DLX1: variants seen among roughly 807,000 people sequenced by gnomAD.
DLX1 encodes distal-less homeobox 1, also known as homeobox protein DLX-1.
Under a neutral mutation model 25.0 loss-of-function variants are expected in DLX1, and 7 were observed. That is an observed-to-expected ratio of 0.28 (90% CI 0.16 to 0.52). DLX1 has a LOEUF of 0.52. Among genes scored for constraint, DLX1 ranks in the 20% least tolerant of loss-of-function variants. The pLI, the probability that DLX1 is intolerant of heterozygous loss-of-function variation, is 0.96. For synonymous variants in DLX1, 155 were observed against 140.3 expected, an observed-to-expected ratio of 1.10 and a Z score of -0.74; for missense variants, 233 against 334.4, an observed-to-expected ratio of 0.70 and a Z score of 2.37.
chr2:172,088,382 A>C lies in DLX1; in HGVS notation c.*125A>C, dbSNP rs1162926147. ...GAACAGTGGAGGCGGGACGCCCTCC[A>C]TCTCCTCGGAGCCCCGCGAGGTCCG... On this transcript the variant is annotated 3_prime_UTR_variant, in exon 3 of 3. Transcript: ENST00000361725. 1 of 1,260,786 alleles carries C rather than the reference A, an allele frequency of 7.9e-7. No homozygotes were observed. Among genetic ancestry groups the C allele is most frequent in the Non-Finnish European group, 1.0e-6 (1 of 967,276 alleles). The allele number at this position is 1,260,786 out of a possible 1,614,324, so 78.1% of individuals were successfully genotyped here.
At chr2:172,086,033 G>A in intron 1 of DLX1, 43 bp downstream of exon 1, 1 of 1,527,776 alleles carries the variant, frequency 6.5e-7, no homozygotes, top group Non-Finnish European at 8.9e-7. Flanking sequence ...GAGGTACAAG[G>A]GAGAGAGGGA....
chr2:172,086,773 C>G lies in DLX1; in HGVS notation c.433C>G (p.Arg145Gly). The change falls in exon 2 of 3, where the codon CGG becomes GGG. Residue 145 changes from arginine to glycine, a missense_variant. Arg to Gly is a moderately radical substitution (Grantham distance 125, BLOSUM62 -2). Around this residue, in one of 3 missense-constraint regions of DLX1, gnomAD observed 23 missense variants for 82.2 expected, o/e 0.28. Transcript: ENST00000361725. ...CAGTTTGCAGTTGCAGGCTTTGAAC[C>G]GGAGGTTCCAGCAAACTCAGTACCT... Reference protein sequence around the residue: ...YSSLQLQALNRRFQQTQYLAL... With the variant: ...YSSLQLQALNGRFQQTQYLAL... 1 of 1,613,428 alleles carries G rather than the reference C, an allele frequency of 6.2e-7. No homozygotes were observed. Among genetic ancestry groups the G allele is most frequent in the South Asian group, 1.1e-5 (1 of 90,996 alleles).
At chr2:172,087,413 G>A in intron 2 of DLX1, 1 of 408,338 alleles carries the variant, frequency 2.4e-6, no homozygotes, top group Non-Finnish European at 4.9e-6. Flanking sequence ...GCGGGCGCGG[G>A]TTTCCGACGT....
intron 2 of DLX1, chr2:172,087,375 G>C (rs1047553157): frequency 5.1e-6 from 2 of 391,542 alleles, no homozygotes; most frequent in Non-Finnish European, 5.1e-6. Context: ...GTAAGACTCC[G>C]GGGAGCCCGT....
chr2:172,087,564 GA>G (rs1331878489), intron 2 of DLX1: 3 of 464,888 alleles, frequency 6.5e-6, no homozygotes, highest in African/African-American at 4.0e-5. Flanking sequence ...ATGGCGCATA[GA>G]AAAGTTGGGT....
chr2:172,085,905 C>A lies in DLX1; in HGVS notation c.228C>A (p.Ser76Arg). ...PLGYPYVNSV[S>R]SHASSPYISS... The stretch of plus-strand genomic sequence containing the variant: ...GCTACCCCTACGTCAACTCGGTCAG[C>A]AGCCACGCATCCAGCCCCTACATCA... Residue 76 changes from serine (S) to arginine (R), a missense_variant, in exon 1 of 3, where the codon AGC (serine) becomes AGA (arginine). Ser to Arg is a moderately radical substitution (Grantham distance 110). Transcript: ENST00000361725. This position sits in a 1 kb window ranked among gnomAD's most constrained non-coding sequence, Gnocchi z 4.3. 1 of 1,614,224 alleles carries A rather than the reference C, an allele frequency of 6.2e-7. No homozygotes were observed. Among genetic ancestry groups the A allele is most frequent in the Non-Finnish European group, 8.5e-7 (1 of 1,180,046 alleles).
chr2:172,086,699 G>T lies in DLX1; in HGVS notation c.359G>T (p.Arg120Leu). ...ACGGTGGTGGAAGGCGGTGAAGTGC[G>T]CTTCAATGGCAAGGGAAAAAAGATC... Reference protein sequence around the residue: ...KSTVVEGGEVRFNGKGKKIRK... With the variant: ...KSTVVEGGEVLFNGKGKKIRK... The change falls in exon 2 of 3, where the codon CGC becomes CTC. Residue 120 changes from arginine (R) to leucine (L), a missense_variant. By Grantham distance (102) the Arg-to-Leu change is moderately radical. Transcript: ENST00000361725. 6.4e-7 allele frequency: 1 copy of T among 1,565,684 alleles called. No individual in the cohort carries two copies. Among genetic ancestry groups the T allele is most frequent in the Non-Finnish European group, 8.7e-7 (1 of 1,153,422 alleles).
At position 172,088,626 on chromosome 2, in the gene DLX1, G is replaced by T; in HGVS notation, c.*369G>T. ...GTAGAAAAAGCAAAAGCTCTTTTCT[G>T]TCCTGTCAGTCTCCTGTCTCCTTTT... On this transcript the variant is annotated 3_prime_UTR_variant, in exon 3 of 3. Transcript: ENST00000361725. 1 of 183,026 alleles carries T rather than the reference G, an allele frequency of 5.5e-6. No homozygotes were observed. Among genetic ancestry groups the T allele is most frequent in the Non-Finnish European group, 1.1e-5 (1 of 88,460 alleles). The allele number at this position is 183,026 out of a possible 1,614,324, so 11.3% of individuals were successfully genotyped here. A position where few individuals can be genotyped will look rare whatever the true frequency, so the allele number is the denominator to read the frequency against.
At chr2:172,087,869 C>A in intron 2 of DLX1, 134 bp from the exon 3 acceptor site, 1 of 1,306,114 alleles carries the variant, frequency 7.7e-7, no homozygotes, top group Non-Finnish European at 1.1e-6. Context: ...CTCTGCTTCT[C>A]TGGCAGGGAG....
In DLX1 at chr2:172,085,715, C is replaced by G; in HGVS notation, c.38C>G (p.Pro13Arg). Residue 13 changes from proline to arginine, a missense_variant, in exon 1 of 3, where the codon CCC becomes CGC. Transcript: ENST00000361725. This position sits in a 1 kb window ranked among gnomAD's most constrained non-coding sequence, Gnocchi z 4.3. Reference protein sequence around the residue: ...MTTMPESLNSPVSGKAVFMEF... With the variant: ...MTTMPESLNSRVSGKAVFMEF... ...ACCATGCCAGAAAGTCTCAACAGCC[C>G]CGTGTCGGGCAAGGCGGTGTTTATG... The G allele has an allele frequency of 1.2e-6, 2 of 1,614,124 alleles. No individual in the cohort carries two copies. The highest frequency in any genetic ancestry group is 1.7e-6 in the Non-Finnish European group (2 of 1,180,018).
At chr2:172,086,013 G>A (rs768655518) in intron 1 of DLX1, 23 bp downstream of exon 1, 4 of 1,598,408 alleles carry the variant, frequency 2.5e-6, no homozygotes, top group African/African-American at 2.7e-5. Flanking sequence ...GCCAGGGAGA[G>A]GGAGAGGAGG....
chr2:172,088,331 G>T lies in DLX1; in HGVS notation c.*74G>T. ...CCTCCAGGTCCATCCATCCCGTCCG[G>T]AAAAGAAGGACCCAGAGGGAAGAAG... is the stretch of plus-strand genomic sequence containing the variant. On this transcript the variant is annotated 3_prime_UTR_variant, in exon 3 of 3. Coordinates refer to ENST00000361725, the MANE Select transcript of DLX1 (RefSeq NM_178120.5). 7.1e-7 allele frequency: 1 copy of T among 1,404,206 alleles called. No homozygotes were observed. The highest frequency in any genetic ancestry group is 9.3e-7 in the Non-Finnish European group (1 of 1,071,830). 87.0% of individuals were successfully genotyped at this position (1,404,206 alleles called of 1,614,324 possible).
In DLX1 at chr2:172,085,583, C is replaced by A; in HGVS notation, c.-95C>A. The A allele has an allele frequency of 7.5e-7, 1 of 1,332,468 alleles. No individual in the cohort carries two copies. Among genetic ancestry groups the A allele is most frequent in the Non-Finnish European group, 1.0e-6 (1 of 966,390 alleles). 82.5% of individuals were successfully genotyped at this position (1,332,468 alleles called of 1,614,324 possible). On this transcript the variant is annotated 5_prime_UTR_variant, in exon 1 of 3. Transcript: ENST00000361725. This position sits in a 1 kb window ranked among gnomAD's most constrained non-coding sequence, Gnocchi z 4.3. ...ATGGAAAGTGAAAACCCCTGTTCCG[C>A]TTAAATTGGGTTCCTTCCTGTCCTG...
At chr2:172,087,540 C>G (rs987715850) in intron 2 of DLX1, 5 of 461,082 alleles carry the variant, frequency 1.1e-5, no homozygotes, top group South Asian at 6.2e-5. Flanking sequence ...CGTCCCAACT[C>G]AAGGGCAGAA....
Position 172,088,608 on chromosome 2 carries a change from A to G in DLX1, c.*351A>G, listed in dbSNP as rs966355073. ...ACAAAACAAAAACAAAATGTAGAAAAAGCAAAAGCTCTTTTCTGTCCTGTC... is the reference window on the plus strand; with the variant it reads ...ACAAAACAAAAACAAAATGTAGAAAGAGCAAAAGCTCTTTTCTGTCCTGTC... On this transcript the variant is annotated 3_prime_UTR_variant, in exon 3 of 3. Transcript: ENST00000361725. 1 of 226,884 alleles carries G rather than the reference A, an allele frequency of 4.4e-6. No individual in the cohort carries two copies. Among genetic ancestry groups the G allele is most frequent in the Non-Finnish European group, 8.6e-6 (1 of 116,672 alleles). 14.1% of individuals were successfully genotyped at this position (226,884 alleles called of 1,614,324 possible).
intron 1 of DLX1, 193 bp downstream of exon 1, chr2:172,086,183 AT>A (rs1238944401): frequency 3.3e-6 from 2 of 609,716 alleles, no homozygotes; most frequent in Non-Finnish European, 5.5e-6. Flanking sequence ...CAGCAAATAA[AT>A]TTTTTTAAAA....
chr2:172,086,862 C>G lies in DLX1; in HGVS notation c.513+9C>G. 1 of 1,614,168 alleles carries G rather than the reference C, an allele frequency of 6.2e-7. No individual in the cohort carries two copies. The highest frequency in any genetic ancestry group is 8.5e-7 in the Non-Finnish European group (1 of 1,179,984). ...GACTCACACAGACTCAGGTACCTCGCCGCTGCCGCTCCGTTCTGCCACGCA... is the reference window on the plus strand; with the variant it reads ...GACTCACACAGACTCAGGTACCTCGGCGCTGCCGCTCCGTTCTGCCACGCA... On this transcript the variant is annotated intron_variant, in intron 2 of 2. Transcript: ENST00000361725.
At position 172,086,063 on chromosome 2, in the gene DLX1, G is replaced by A. The variant is rs1690832865; in HGVS notation, c.313+73G>A. On this transcript the variant is annotated intron_variant, in intron 1 of 2. Coordinates refer to ENST00000361725, the MANE Select transcript of DLX1 (RefSeq NM_178120.5). ...GAGGGAAAGAAGGAGCGGGGGAGAAGAGGAGAGGGAGAGAGAGAGAAAGAG... is the reference window on the plus strand; with the variant it reads ...GAGGGAAAGAAGGAGCGGGGGAGAAAAGGAGAGGGAGAGAGAGAGAAAGAG... 3.5e-6 allele frequency: 4 copies of A among 1,155,418 alleles called. No individual in the cohort carries two copies. In the East Asian group the frequency reaches 1.2e-4, roughly 36 times the overall value. 71.6% of individuals were successfully genotyped at this position (1,155,418 alleles called of 1,614,324 possible).
intron 2 of DLX1, chr2:172,087,247 C>A: frequency 2.5e-6 from 1 of 398,682 alleles, no homozygotes. Flanking sequence ...GCGCCTCAGC[C>A]TCCCTCCTCC....
Sources: gnomAD v4.1 joint callset for allele counts on GRCh38, gnomAD v4.1.1 for gene constraint, gnomAD v4.1.1 regional missense constraint, Gnocchi (gnomAD v3.1) non-coding constraint, MANE v1.5 for transcripts, NCBI Gene and HGNC (gene_info 2026-07-23, HGNC 2026-07-21) for gene names.